REC114: variants seen among roughly 807,000 people sequenced by gnomAD.
REC114 encodes meiotic recombination protein REC114.
In REC114, 27 loss-of-function variants were observed where a neutral mutation model predicts 31.3. The ratio of observed to expected loss-of-function variants is 0.86; its 90% CI spans 0.64 to 1.19. The LOEUF is 1.19. Among genes scored for constraint, REC114 ranks in the 50% most tolerant of loss-of-function variants. The pLI, the probability that REC114 is intolerant of heterozygous loss-of-function variation, is 0.00. For missense variants in REC114, 344 were observed against 326.9 expected (o/e 1.05, Z -0.40); for synonymous variants, 134 against 127.7 (o/e 1.05, Z -0.33).
chr15:73,488,863 C>T (rs1893408368), intron 2 of REC114, among the ~76,000 whole-genome samples: 1 of 152,158 alleles, frequency 6.6e-6, no homozygotes, highest in African/African-American at 2.4e-5. Flanking sequence ...CCAGCCTGTA[C>T]CCATTACCCA....
intron 2 of REC114, among the ~76,000 whole-genome samples, chr15:73,515,082 G>C (rs550005131): frequency 2.6e-5 from 4 of 152,018 alleles, no homozygotes; most frequent in Non-Finnish European, 5.9e-5. Flanking sequence ...TGAGACTATA[G>C]GCATGCACCA....
At chr15:73,550,387 A>G (rs1398130439) in intron 3 of REC114, among the ~76,000 whole-genome samples, 1 of 152,226 alleles carries the variant, frequency 6.6e-6, no homozygotes, top group Non-Finnish European at 1.5e-5. Flanking sequence ...TGCAACTTGT[A>G]TGGTAGTCTG....
chr15:73,480,521 CATGCCATTT>C (rs1216691129), intron 2 of REC114, among the ~76,000 whole-genome samples: 3 of 152,016 alleles, frequency 2.0e-5, no homozygotes, highest in Non-Finnish European at 2.9e-5. Flanking sequence ...TTCATCAGTT[CATGCCATTT>C]ATTCATAATC....
At chr15:73,475,487 AATGTGC>A (rs1893198858) in intron 2 of REC114, among the ~76,000 whole-genome samples, 1 of 152,190 alleles carries the variant, frequency 6.6e-6, no homozygotes, top group African/African-American at 2.4e-5. Flanking sequence ...GGCATAGGCT[AATGTGC>A]ATGTTTGTGT....
intron 2 of REC114, among the ~76,000 whole-genome samples, chr15:73,493,208 T>G (rs1893469843): frequency 6.6e-6 from 1 of 152,014 alleles, no homozygotes; most frequent in South Asian, 2.1e-4. Context: ...TTAGTAGAGA[T>G]GAGATCTCAC....
At chr15:73,469,176 TC>T (rs1893100915) in intron 1 of REC114, among the ~76,000 whole-genome samples, 1 of 152,200 alleles carries the variant, frequency 6.6e-6, no homozygotes, top group Non-Finnish European at 1.5e-5. Context: ...ATGTGCTTTT[TC>T]TATCAGTTAT....
intron 2 of REC114, 118 bp from the exon 3 acceptor site, chr15:73,540,367 A>G: frequency 1.3e-6 from 1 of 786,928 alleles, no homozygotes; most frequent in Middle Eastern, 2.3e-4. Context: ...AGTCATTGCT[A>G]CTATGTTTGA....
At chr15:73,508,106 T>C (rs1893706247) in intron 2 of REC114, among the ~76,000 whole-genome samples, 1 of 152,208 alleles carries the variant, frequency 6.6e-6, no homozygotes, top group African/African-American at 2.4e-5. Flanking sequence ...TCTTCAGCTC[T>C]AAACTACAAG....
chr15:73,479,325 TATAC>T (rs1414252047), intron 2 of REC114, among the ~76,000 whole-genome samples: 7 of 150,118 alleles, frequency 4.7e-5, no homozygotes, highest in African/African-American at 7.3e-5. Context: ...TATATATTAA[TATAC>T]ATATAATTAA....
intron 1 of REC114, among the ~76,000 whole-genome samples, chr15:73,469,680 CTTTTTTTT>C (rs767748185): frequency 1.7e-5 from 2 of 118,940 alleles, no homozygotes; most frequent in African/African-American, 6.4e-5. Flanking sequence ...GCCTTAGACT[CTTTTTTTT>C]TTTTTTTTTT....
intron 3 of REC114, 79 bp from the exon 4 acceptor site, chr15:73,550,854 CAAAGG>C (rs1595883403): frequency 7.6e-7 from 1 of 1,315,716 alleles, no homozygotes; most frequent in Non-Finnish European, 1.1e-6. Flanking sequence ...CTCCGCCAAG[CAAAGG>C]AAACACTCAG....
intron 1 of REC114, among the ~76,000 whole-genome samples, chr15:73,453,899 A>G (rs965212290): frequency 4.3e-4 from 65 of 151,496 alleles, no homozygotes; most frequent in African/African-American, 1.5e-3. Context: ...TGTTCTCACT[A>G]ATAAGTGGGA....
intron 2 of REC114, among the ~76,000 whole-genome samples, chr15:73,516,364 G>A (rs556373116): frequency 2.8e-4 from 42 of 151,924 alleles, no homozygotes; most frequent in Non-Finnish European, 4.9e-4. Context: ...AAAGATACTC[G>A]CCACCAGCCT....
intron 1 of REC114, among the ~76,000 whole-genome samples, chr15:73,451,479 G>A (rs940350923): frequency 1.3e-5 from 2 of 152,112 alleles, no homozygotes; most frequent in African/African-American, 4.8e-5. Flanking sequence ...TGAAATTGAG[G>A]CAGTAATGAA....
intron 2 of REC114, among the ~76,000 whole-genome samples, chr15:73,528,412 G>GA (rs956313638): frequency 7.3e-5 from 11 of 151,248 alleles, no homozygotes; most frequent in Admixed American, 2.0e-4. Flanking sequence ...TAAAATCTGA[G>GA]AAAAAAAAAT....
chr15:73,550,948 G>T lies in REC114; in HGVS notation c.344G>T (p.Arg115Leu), dbSNP rs755163777. Residue 115 changes from arginine (R) to leucine (L), a missense_variant, in exon 4 of 6, where the codon CGC becomes CTC. By Grantham distance (102) the Arg-to-Leu change is moderately radical. Transcript: ENST00000331090. ...TGATTTGTCAAACAGGACAAGAGTC[G>T]CCTGTTTCGAGTACAGTTCAGTGGA... Reference protein sequence around the residue: ...LFGTTIKDKSRLFRVQFSGES... With the variant: ...LFGTTIKDKSLLFRVQFSGES... The T allele has an allele frequency of 1.9e-6, 3 of 1,613,644 alleles. No individual in the cohort carries two copies. Among genetic ancestry groups the T allele is most frequent in the South Asian group, 1.1e-5 (1 of 91,066 alleles).
chr15:73,453,481 G>A (rs1444907231), intron 1 of REC114, among the ~76,000 whole-genome samples: 1 of 152,196 alleles, frequency 6.6e-6, no homozygotes, highest in Admixed American at 6.5e-5. Context: ...AGGTGCTGGA[G>A]AGGATGTGGA....
rs1451024183 is a variant in REC114, at chr15:73,489,755, AAAAAC to A, written c.249+15840_249+15844del. 2.6e-5 allele frequency among the ~76,000 whole-genome samples: 4 copies of A among 151,640 alleles called. No homozygotes were observed. In the East Asian group the frequency reaches 5.8e-4, roughly 22 times the overall value. On this transcript the variant is annotated intron_variant, in intron 2 of 5. Transcript: ENST00000331090. ...CTTACATGGCTACTCCAGAAAAAAA[AAAAAC>A]AAAACTCAACTCTCTAATCACCCAG... is the stretch of plus-strand genomic sequence containing the variant.
intron 2 of REC114, among the ~76,000 whole-genome samples, chr15:73,534,004 A>C (rs1285154949): frequency 8.2e-6 from 1 of 122,492 alleles, no homozygotes; most frequent in African/African-American, 3.2e-5. Context: ...ACAAAGACAC[A>C]ACATACCAGA....
Sources: allele counts gnomAD v4.1 joint callset (sites outside exome capture counted in the v4.1 genomes callset), GRCh38; gene constraint gnomAD v4.1.1; transcripts MANE v1.5; gene names NCBI Gene and HGNC (gene_info 2026-07-23, HGNC 2026-07-21).